The following ITGA6 variants were observed in gnomAD, a reference collection of about 807,000 sequenced individuals.
The protein encoded by ITGA6 is integrin alpha-6.
ITGA6 carries 63 observed loss-of-function variants against 133.6 expected under a neutral mutation model. That is an observed-to-expected ratio of 0.47 (90% confidence interval 0.38 to 0.58). ITGA6 has a LOEUF of 0.58. Among genes scored for constraint, ITGA6 ranks in the 20% least tolerant of loss-of-function variants. The pLI, the probability that ITGA6 is intolerant of heterozygous loss-of-function variation, is 0.00. For missense variants in ITGA6, 1,068 were observed against 1,309.4 expected, an observed-to-expected ratio of 0.82 and a Z score of 2.85; for synonymous variants, 434 against 482.0, an observed-to-expected ratio of 0.90 and a Z score of 1.30.
At chr2:172,447,412 C>T (rs184319326) in intron 1 of ITGA6, among the ~76,000 whole-genome samples, 8 of 152,198 alleles carry the variant, frequency 5.3e-5, no homozygotes, top group African/African-American at 1.7e-4. Context: ...ACCATGTTGA[C>T]TAGGCTGGCC....
chr2:172,440,296 T>C (rs1032260018), intron 1 of ITGA6, among the ~76,000 whole-genome samples: 1 of 152,350 alleles, frequency 6.6e-6, no homozygotes, highest in African/African-American at 2.4e-5. Context: ...TTGAACTCTT[T>C]GATTCCCCAA....
intron 1 of ITGA6, among the ~76,000 whole-genome samples, chr2:172,438,900 A>G (rs1000412643): frequency 5.3e-5 from 8 of 151,896 alleles, no homozygotes; most frequent in Non-Finnish European, 1.5e-5. Flanking sequence ...CAGGAAGGGG[A>G]AATATGGGAC....
chr2:172,439,581 A>AG (rs1446968600), intron 1 of ITGA6, among the ~76,000 whole-genome samples: 1 of 151,870 alleles, frequency 6.6e-6, no homozygotes, highest in Admixed American at 6.6e-5. Context: ...TACAGAATGA[A>AG]GTGTGTACTT....
chr2:172,467,693 A>G, intron 3 of ITGA6, 133 bp downstream of exon 3: 1 of 729,674 alleles, frequency 1.4e-6, no homozygotes, highest in Non-Finnish European at 2.4e-6. Flanking sequence ...AATGGATGTC[A>G]AAAAGAAATC....
In ITGA6 at chr2:172,501,843, G is replaced by C; in HGVS notation, c.3186G>C (p.Gln1062His). 1 of 1,611,792 alleles carries C rather than the reference G, an allele frequency of 6.2e-7. No homozygotes were observed. The highest frequency in any genetic ancestry group is 8.5e-7 in the Non-Finnish European group (1 of 1,178,508). The stretch of plus-strand genomic sequence containing the variant: ...ATCACAAGGCTGAGATCCATGCTCA[G>C]CCATCTGATAAAGAGAGGCTTACTT... ...ATYHKAEIHAQPSDKERLTSD... is the reference protein window; with the variant it reads ...ATYHKAEIHAHPSDKERLTSD... Residue 1062 changes from glutamine (Q) to histidine (H), a missense_variant, in exon 25 of 26, where the codon CAG becomes CAC. Transcript: ENST00000684293.
chr2:172,495,155 G>A (rs1687078104), intron 23 of ITGA6, among the ~76,000 whole-genome samples: 1 of 152,164 alleles, frequency 6.6e-6, no homozygotes, highest in South Asian at 2.1e-4. Context: ...ATTTAGAGAA[G>A]GTATTTTGGC....
intron 25 of ITGA6, among the ~76,000 whole-genome samples, chr2:172,502,618 C>T: frequency 6.6e-6 from 1 of 152,150 alleles, no homozygotes; most frequent in Non-Finnish European, 1.5e-5. Context: ...CTACAAAATT[C>T]TAGTACAAAA....
Position 172,475,097 on chromosome 2 carries a change from A to C in ITGA6, c.1155A>C (p.Gly385=). Residue 385 remains glycine (G), a synonymous_variant, in exon 7 of 26, where the codon GGA becomes GGC. Coordinates refer to ENST00000684293, the MANE Select transcript of ITGA6 (RefSeq NM_000210.4). ...SMFGIAVKNI[G]DINQDGYPDI... ...TTGGCATTGCAGTAAAAAATATTGG[A>C]GATATTAATCAAGATGGCTACCCAG... 1.9e-6 allele frequency: 3 copies of C among 1,592,662 alleles called. No individual in the cohort carries two copies. The highest frequency in any genetic ancestry group is 2.6e-6 in the Non-Finnish European group (3 of 1,160,338).
In ITGA6 at chr2:172,442,703, C is replaced by T. The variant is rs541245682; in HGVS notation, c.182+14733C>T. Among the ~76,000 whole-genome samples, 9 of 152,250 alleles carry T rather than the reference C, an allele frequency of 5.9e-5. No homozygotes were observed. The East Asian group carries it at 1.2e-3, about 20-fold the overall frequency. ...CCCCAGTTGCCAGCACAGTGCCTGG[C>T]GCACAGTAGGTACGTGTTTGTGAGC... On this transcript the variant is annotated intron_variant, in intron 1 of 25. Coordinates refer to ENST00000684293, the MANE Select transcript of ITGA6 (RefSeq NM_000210.4).
At chr2:172,456,434 A>G (rs573578070) in intron 1 of ITGA6, among the ~76,000 whole-genome samples, 2 of 152,226 alleles carry the variant, frequency 1.3e-5, no homozygotes, top group African/African-American at 4.8e-5. Flanking sequence ...CCAGCTTTCT[A>G]TCCGAGCCTG....
At chr2:172,490,768 C>A in intron 20 of ITGA6, 3 of 414,252 alleles carry the variant, frequency 7.2e-6, no homozygotes, top group Middle Eastern at 7.5e-4. Context: ...ACAAAGAAAG[C>A]ATATTTCTCT....
chr2:172,449,816 G>C (rs1321927761), intron 1 of ITGA6, among the ~76,000 whole-genome samples: 2 of 151,708 alleles, frequency 1.3e-5, no homozygotes, highest in Non-Finnish European at 2.9e-5. Context: ...GGCTACCTGG[G>C]AGGCTGAGGC....
At chr2:172,465,173 TGG>T in intron 1 of ITGA6, 2 of 304,540 alleles carry the variant, frequency 6.6e-6, no homozygotes, top group African/African-American at 2.1e-5. Flanking sequence ...CACAAGTATT[TGG>T]TTTCTTCTCT....
At chr2:172,432,136 T>C (rs1302857267) in intron 1 of ITGA6, among the ~76,000 whole-genome samples, 4 of 152,174 alleles carry the variant, frequency 2.6e-5, no homozygotes, top group African/African-American at 9.6e-5. Flanking sequence ...AAACAGAAAA[T>C]ACTGTTGTAA....
rs138572695 is a variant in ITGA6 at position 172,427,936 on chromosome 2, A to G, written c.148A>G (p.Met50Val). 3.6e-3 allele frequency: 5,790 copies of G among 1,606,780 alleles called. 17 individuals carry two copies. The highest frequency in any genetic ancestry group is 4.4e-3 in the Non-Finnish European group (5,155 of 1,177,058). ...PGSLFGFSLAMHWQLQPEDKR... is the reference protein window; with the variant it reads ...PGSLFGFSLAVHWQLQPEDKR... Reference sequence around the variant, plus strand: ...GAGCCTCTTCGGCTTCTCGCTGGCCATGCACTGGCAACTGCAGCCCGAGGA... The same window carrying G: ...GAGCCTCTTCGGCTTCTCGCTGGCCGTGCACTGGCAACTGCAGCCCGAGGA... Residue 50 changes from methionine (M) to valine (V), a missense_variant, in exon 1 of 26, where the codon ATG becomes GTG. By Grantham distance (21) the Met-to-Val change is conservative (BLOSUM62 1). Coordinates refer to ENST00000684293, the MANE Select transcript of ITGA6 (RefSeq NM_000210.4).
intron 1 of ITGA6, among the ~76,000 whole-genome samples, chr2:172,455,644 A>G (rs1685177554): frequency 6.6e-6 from 1 of 152,222 alleles, no homozygotes; most frequent in Non-Finnish European, 1.5e-5. Context: ...CTTCCAGGTT[A>G]TTCTGAAGTG....
At chr2:172,449,880 C>T (rs2178471) in intron 1 of ITGA6, among the ~76,000 whole-genome samples, 76,434 of 146,256 alleles carry the variant, frequency 0.52, 22,356 homozygotes, top group East Asian at 0.85. Context: ...GAAATCATGC[C>T]ACTGCACTCC....
intron 7 of ITGA6, 81 bp downstream of exon 7, chr2:172,475,203 C>T: frequency 2.0e-6 from 2 of 992,602 alleles, no homozygotes; most frequent in Non-Finnish European, 3.2e-6. Flanking sequence ...CACAGTGGCT[C>T]ACGCCTGTAA....
chr2:172,442,313 C>T (rs1247168480), intron 1 of ITGA6, among the ~76,000 whole-genome samples: 1 of 152,214 alleles, frequency 6.6e-6, no homozygotes, highest in East Asian at 1.9e-4. Context: ...GTGCCCACAG[C>T]ATCCAGGACT....
Sources: allele counts gnomAD v4.1 joint callset (sites outside exome capture counted in the v4.1 genomes callset), GRCh38; gene constraint gnomAD v4.1.1; transcripts MANE v1.5; gene names NCBI Gene and HGNC (gene_info 2026-07-23, HGNC 2026-07-21).